Variants in SDCCAG8 observed in about 807,000 individuals in gnomAD.
SDCCAG8 encodes the protein serologically defined colon cancer antigen 8.
SDCCAG8 carries 74 observed loss-of-function variants against 101.8 expected under a neutral mutation model. That is an observed-to-expected ratio of 0.73 (90% CI 0.60 to 0.88). SDCCAG8 has a LOEUF of 0.88. SDCCAG8 is among the 40% of genes least tolerant of loss of function. SDCCAG8 has a pLI of 0.00. For missense variants in SDCCAG8, 787 were observed against 822.6 expected (o/e 0.96, Z 0.53); for synonymous variants, 281 against 292.9 (o/e 0.96, Z 0.41).
At chr1:243,437,568 G>A (rs1026921269) in intron 16 of SDCCAG8, among the ~76,000 whole-genome samples, 3 of 141,960 alleles carry the variant, frequency 2.1e-5, no homozygotes, top group South Asian at 2.2e-4. Flanking sequence ...ACAGAGTCTC[G>A]CTCTGTCGCC....
At chr1:243,454,155 C>G (rs535187916) in intron 16 of SDCCAG8, among the ~76,000 whole-genome samples, 9 of 152,094 alleles carry the variant, frequency 5.9e-5, no homozygotes, top group Admixed American at 2.6e-4. Context: ...TGCTGCTAAA[C>G]TTTTCTATTT....
chr1:243,318,147 A>G (rs1211882490), intron 9 of SDCCAG8: 2 of 451,478 alleles, frequency 4.4e-6, no homozygotes, highest in African/African-American at 2.0e-5. Flanking sequence ...AATGTGGAAC[A>G]TGGACACCAT....
At chr1:243,351,258 T>C (rs1163714185) in intron 12 of SDCCAG8, among the ~76,000 whole-genome samples, 2 of 152,206 alleles carry the variant, frequency 1.3e-5, no homozygotes, top group Non-Finnish European at 2.9e-5. Context: ...TTTCAGTCTG[T>C]AGACTTAGCA....
In SDCCAG8 at chr1:243,474,975, C is replaced by A. The variant is rs569160507; in HGVS notation, c.1986-14039C>A. Among the ~76,000 whole-genome samples the A allele has an allele frequency of 9.2e-5, 14 of 152,270 alleles. No individual in the cohort carries two copies. The East Asian group carries it at 2.3e-3, about 25-fold the overall frequency. ...CTAGGGATGACTTAGTAATAGGGTA[C>A]CCCATTGCCATGTGGGTCAGGGATT... On this transcript the variant is annotated intron_variant, in intron 16 of 17. Transcript: ENST00000366541. This position sits in a 1 kb window ranked among gnomAD's most constrained non-coding sequence, Gnocchi z 4.7.
intron 12 of SDCCAG8, among the ~76,000 whole-genome samples, chr1:243,377,560 G>A (rs773739833): frequency 4.6e-5 from 7 of 151,896 alleles, no homozygotes; most frequent in Non-Finnish European, 8.8e-5. Flanking sequence ...GTATGGTTTT[G>A]ATGGAGATAA....
At position 243,495,531 on chromosome 1, in the gene SDCCAG8, C is replaced by T. The variant is rs542174467; in HGVS notation, c.2113-4225C>T. 8.5e-5 allele frequency among the ~76,000 whole-genome samples: 13 copies of T among 152,268 alleles called. No individual in the cohort carries two copies. The South Asian group carries it at 1.2e-3, about 15-fold the overall frequency. On this transcript the variant is annotated intron_variant, in intron 17 of 17. Coordinates refer to ENST00000366541, the MANE Select transcript of SDCCAG8 (RefSeq NM_006642.5). ...TGCGATGGCCTTAACCGTGAGCCCC[C>T]GCCTGCTTTGCAGCTGGCAGAGCCA...
chr1:243,273,902 C>G (rs903050339), intron 3 of SDCCAG8, among the ~76,000 whole-genome samples: 1 of 152,144 alleles, frequency 6.6e-6, no homozygotes, highest in Admixed American at 6.5e-5. Context: ...CTTTCACCAT[C>G]CATCTTTAAA....
intron 8 of SDCCAG8, among the ~76,000 whole-genome samples, chr1:243,314,673 G>A (rs999131108): frequency 3.3e-5 from 5 of 151,854 alleles, no homozygotes; most frequent in African/African-American, 9.7e-5. Context: ...ATCCTGTTGT[G>A]GATCTGTCTG....
chr1:243,451,250 A>T (rs375941330), intron 16 of SDCCAG8, among the ~76,000 whole-genome samples: 16 of 152,354 alleles, frequency 1.1e-4, no homozygotes, highest in African/African-American at 3.6e-4. Context: ...TAAAGATTTC[A>T]TAGGCACAAA....
At chr1:243,377,054 T>C (rs1354239336) in intron 12 of SDCCAG8, among the ~76,000 whole-genome samples, 2 of 152,152 alleles carry the variant, frequency 1.3e-5, no homozygotes, top group Non-Finnish European at 2.9e-5. Flanking sequence ...GAATTTTCTC[T>C]ATAACTCAGT....
intron 12 of SDCCAG8, among the ~76,000 whole-genome samples, chr1:243,371,736 C>T (rs11579221): frequency 0.036 from 5,407 of 152,170 alleles, 130 homozygotes; most frequent in Non-Finnish European, 0.05. Flanking sequence ...CCCCAAGTGT[C>T]TAGCTTGGAG....
intron 4 of SDCCAG8, among the ~76,000 whole-genome samples, chr1:243,277,948 TG>T (rs2149273205): frequency 6.6e-6 from 1 of 152,330 alleles, no homozygotes; most frequent in South Asian, 2.1e-4. Flanking sequence ...ACTCTAATTT[TG>T]TTCTTTTTCA....
At chr1:243,412,636 T>C (rs1573901146) in intron 13 of SDCCAG8, among the ~76,000 whole-genome samples, 2 of 152,104 alleles carry the variant, frequency 1.3e-5, no homozygotes, top group East Asian at 3.9e-4. Context: ...TTAGTATTAG[T>C]TTTAGTGTAT....
At chr1:243,475,422 C>A (rs1234373838) in intron 16 of SDCCAG8, among the ~76,000 whole-genome samples, 1 of 152,108 alleles carries the variant, frequency 6.6e-6, no homozygotes, top group African/African-American at 2.4e-5. Context: ...TAACCGGGAG[C>A]AGCCTGGAAG....
At chr1:243,477,532 C>T (rs965911908) in intron 16 of SDCCAG8, among the ~76,000 whole-genome samples, 3 of 152,200 alleles carry the variant, frequency 2.0e-5, no homozygotes, top group Non-Finnish European at 2.9e-5. Flanking sequence ...AGCCTTGGTT[C>T]GATAGCACTT....
rs1572871828 is a variant in SDCCAG8 at position 243,270,137 on chromosome 1, T to C, written c.100T>C (p.Cys34Arg). The C allele has an allele frequency of 2.5e-6, 4 of 1,614,224 alleles. No homozygotes were observed. The highest frequency in any genetic ancestry group is 3.4e-6 in the Non-Finnish European group (4 of 1,180,042). Residue 34 changes from cysteine to arginine, a missense_variant, in exon 2 of 18, where the codon TGT (cysteine) becomes CGT (arginine). Coordinates refer to ENST00000366541, the MANE Select transcript of SDCCAG8 (RefSeq NM_006642.5). ...CAGCAGAAGCATTCACCAACTGACA[T>C]GTGCCCTGAAAGAAGGCGATGTCAC... ...HASRSIHQLT[C>R]ALKEGDVTIG...
chr1:243,415,542 G>A (rs545577892), intron 13 of SDCCAG8, among the ~76,000 whole-genome samples, 160 bp from the exon 14 acceptor site: 1 of 152,136 alleles, frequency 6.6e-6, no homozygotes, highest in Non-Finnish European at 1.5e-5. Flanking sequence ...AAGGTTGTTT[G>A]GATCTTCCCC....
intron 14 of SDCCAG8, 69 bp from the exon 15 acceptor site, chr1:243,417,899 T>C: frequency 1.8e-6 from 2 of 1,107,372 alleles, no homozygotes; most frequent in Non-Finnish European, 2.8e-6. Context: ...TACCACTCTA[T>C]GTATGGAAGC....
At chr1:243,301,517 T>C (rs2071502479) in intron 6 of SDCCAG8, among the ~76,000 whole-genome samples, 1 of 152,210 alleles carries the variant, frequency 6.6e-6, no homozygotes, top group South Asian at 2.1e-4. Context: ...GTTCCATAGA[T>C]TGAAGTCTGC....
Sources: gnomAD v4.1 joint callset for allele counts (sites outside exome capture counted in the v4.1 genomes callset) on GRCh38, gnomAD v4.1.1 for gene constraint, Gnocchi (gnomAD v3.1) non-coding constraint, MANE v1.5 for transcripts, NCBI Gene and HGNC (gene_info 2026-07-23, HGNC 2026-07-21) for gene names.